PRMT8: variants seen among roughly 807,000 people sequenced by gnomAD.
The protein encoded by PRMT8 is protein arginine N-methyltransferase 8.
A neutral mutation model predicts 47.1 loss-of-function variants in PRMT8; 7 were observed. The ratio of observed to expected loss-of-function variants is 0.15; its 90% CI spans 0.08 to 0.28. PRMT8 has a LOEUF of 0.28. PRMT8 is among the 10% of genes least tolerant of loss of function. The pLI is 1.00. For synonymous variants in PRMT8, 188 were observed against 186.5 expected, an observed-to-expected ratio of 1.01 and a Z score of -0.07; for missense variants, 237 against 505.4, an observed-to-expected ratio of 0.47 and a Z score of 5.09.
At chr12:3,471,773 T>C (rs1376804491) in intron 1 of PRMT8, among the ~76,000 whole-genome samples, 2 of 151,980 alleles carry the variant, frequency 1.3e-5, no homozygotes, top group African/African-American at 4.8e-5. Flanking sequence ...CCCACTTCCA[T>C]GCTGGGCCAC....
chr12:3,521,892 C>T (rs1179566745), intron 1 of PRMT8, among the ~76,000 whole-genome samples: 1 of 147,530 alleles, frequency 6.8e-6, no homozygotes, highest in Non-Finnish European at 1.5e-5. Flanking sequence ...CTAAATTTGG[C>T]CTGGTAGAAG....
intron 1 of PRMT8, among the ~76,000 whole-genome samples, chr12:3,495,206 C>T (rs1865487965): frequency 6.6e-6 from 1 of 152,196 alleles, no homozygotes; most frequent in Non-Finnish European, 1.5e-5. Context: ...TCTAATCAAG[C>T]CTCATAATCC....
rs1867345066 is a variant in PRMT8 at position 3,593,040 on chromosome 12, G to T, written c.1102-59G>T. The T allele has an allele frequency of 3.3e-5, 44 of 1,353,402 alleles. No homozygotes were observed. The South Asian group carries it at 5.1e-4, about 16-fold the overall frequency. 83.8% of individuals were successfully genotyped at this position (1,353,402 alleles called of 1,614,324 possible). ...CAGGAGCAGGTGGTGCCAGAGAGTG[G>T]GGCTGTGGCTTCATACCCAGACGGC... On this transcript the variant is annotated intron_variant, in intron 9 of 9. Transcript: ENST00000382622. This position sits in a 1 kb window ranked among gnomAD's most constrained non-coding sequence, Gnocchi z 4.8.
chr12:3,505,933 G>A (rs990821477), intron 1 of PRMT8, among the ~76,000 whole-genome samples: 5 of 152,216 alleles, frequency 3.3e-5, no homozygotes, highest in Non-Finnish European at 5.9e-5. Context: ...GTAGTTGTCA[G>A]AGGAATTACT....
At chr12:3,449,919 G>C (rs1591553115) in intron 1 of PRMT8, among the ~76,000 whole-genome samples, 1 of 152,142 alleles carries the variant, frequency 6.6e-6, no homozygotes, top group South Asian at 2.1e-4. Flanking sequence ...GTGTAAGGAA[G>C]GGGTCCAGTT....
rs933891758 is a variant in PRMT8 at position 3,569,727 on chromosome 12, A to G, written c.712+163A>G. Among the ~76,000 whole-genome samples, 1 of 152,186 alleles carries G rather than the reference A, an allele frequency of 6.6e-6. No homozygotes were observed. Among genetic ancestry groups the G allele is most frequent in the East Asian group, 1.9e-4 (1 of 5,192 alleles). ...TGGAGTCTGCTCTCTAAATGTTTCT[A>G]TCTAGTCCCAAGGGTGTTAGGTCTA... On this transcript the variant is annotated intron_variant, in intron 6 of 9. Coordinates refer to ENST00000382622, the MANE Select transcript of PRMT8 (RefSeq NM_019854.5). The surrounding 1 kb of genome is among the most constrained non-coding windows in gnomAD (Gnocchi z 8.2).
intron 1 of PRMT8, among the ~76,000 whole-genome samples, chr12:3,520,139 C>T (rs1474123570): frequency 6.6e-6 from 1 of 152,182 alleles, no homozygotes; most frequent in East Asian, 1.9e-4. Flanking sequence ...GCCACTGAGT[C>T]CCCTCCCAGA....
intron 1 of PRMT8, among the ~76,000 whole-genome samples, chr12:3,414,355 G>A (rs1237035846): frequency 1.3e-5 from 2 of 152,060 alleles, no homozygotes; most frequent in Non-Finnish European, 2.9e-5. Flanking sequence ...CCTCCAGAAG[G>A]GACACCTGCT....
intron 1 of PRMT8, among the ~76,000 whole-genome samples, chr12:3,479,441 G>C (rs1040438233): frequency 2.6e-5 from 4 of 152,268 alleles, no homozygotes; most frequent in African/African-American, 9.6e-5. Context: ...ATTTTTTTTA[G>C]TCCTTTTATT....
intron 1 of PRMT8, among the ~76,000 whole-genome samples, chr12:3,449,650 A>T (rs1181500380): frequency 6.6e-6 from 1 of 152,194 alleles, no homozygotes; most frequent in Non-Finnish European, 1.5e-5. Flanking sequence ...TCAGATGGAT[A>T]GATTGCAAAC....
chr12:3,499,193 C>CTT (rs57788869), intron 1 of PRMT8, among the ~76,000 whole-genome samples: 15 of 122,264 alleles, frequency 1.2e-4, no homozygotes, highest in East Asian at 2.3e-4. Flanking sequence ...TTTTTCCTTT[C>CTT]TTTTTTTTTT....
intron 1 of PRMT8, among the ~76,000 whole-genome samples, chr12:3,390,908 G>A (rs1018943368): frequency 6.6e-6 from 1 of 152,154 alleles, no homozygotes; most frequent in Non-Finnish European, 1.5e-5. Context: ...TCATGTTTTG[G>A]GCTGAGCGAA....
intron 4 of PRMT8, among the ~76,000 whole-genome samples, chr12:3,561,357 T>C (rs1360480261): frequency 6.6e-6 from 1 of 152,246 alleles, no homozygotes; most frequent in Admixed American, 6.5e-5. Context: ...TGTTGTCTAT[T>C]CACATACTGC....
chr12:3,559,784 C>T (rs1007429995), intron 4 of PRMT8, among the ~76,000 whole-genome samples: 2 of 152,222 alleles, frequency 1.3e-5, no homozygotes, highest in African/African-American at 4.8e-5. Context: ...TGGGCACCCT[C>T]CTCTGCTTGA....
At chr12:3,515,674 G>C (rs1210511770) in intron 1 of PRMT8, among the ~76,000 whole-genome samples, 6 of 152,238 alleles carry the variant, frequency 3.9e-5, no homozygotes, top group Non-Finnish European at 7.3e-5. Context: ...CACATGCTCT[G>C]TGAGTAGAAG....
In PRMT8 at chr12:3,508,797, C is replaced by T. The variant is rs1403731974; in HGVS notation, c.75+17097C>T. Among the ~76,000 whole-genome samples the T allele has an allele frequency of 6.6e-6, 1 of 152,210 alleles. No homozygotes were observed. The highest frequency in any genetic ancestry group is 2.4e-5 in the African/African-American group (1 of 41,434). On this transcript the variant is annotated intron_variant, in intron 1 of 9. Transcript: ENST00000382622. The surrounding 1 kb of genome is among the most constrained non-coding windows in gnomAD (Gnocchi z 4.9). ...CTGCGGGACATCTTCACTGAGATGT[C>T]TCATAGGCACCTCAGGTTCGCTGGG... is the stretch of plus-strand genomic sequence containing the variant.
Position 3,402,064 on chromosome 12 carries a change from T to C in PRMT8, c.48+20622T>C, listed in dbSNP as rs182698783. Among the ~76,000 whole-genome samples, 40 of 152,318 alleles carry C rather than the reference T, an allele frequency of 2.6e-4. 2 individuals are homozygous for C. Among genetic ancestry groups the C allele is most frequent in the Admixed American group, 2.3e-3 (35 of 15,304 alleles). ...AAGAACAAAGCTGGAGGCATCACCC[T>C]ACCCAACTTCAAACTATACTACACA... is the stretch of plus-strand genomic sequence containing the variant. On this transcript the variant is annotated intron_variant, in intron 1 of 9. Coordinates refer to the PRMT8 transcript ENST00000452611.
intron 7 of PRMT8, among the ~76,000 whole-genome samples, chr12:3,582,065 T>TA (rs1867077749): frequency 6.6e-6 from 1 of 152,208 alleles, no homozygotes; most frequent in Non-Finnish European, 1.5e-5. Context: ...TTCTGGCTCT[T>TA]ACAGAGTTTT....
intron 1 of PRMT8, 62 bp from the exon 2 acceptor site, chr12:3,540,544 A>G: frequency 8.7e-7 from 1 of 1,143,194 alleles, no homozygotes; most frequent in South Asian, 1.4e-5. Context: ...GAGGACCGCA[A>G]GCCTCCGAGG....
Sources: gnomAD v4.1 joint callset for allele counts (sites outside exome capture counted in the v4.1 genomes callset) on GRCh38, gnomAD v4.1.1 for gene constraint, Gnocchi (gnomAD v3.1) non-coding constraint, MANE v1.5 for transcripts, NCBI Gene and HGNC (gene_info 2026-07-23, HGNC 2026-07-21) for gene names.